Variants in ATG13 observed in about 807,000 individuals in gnomAD.
ATG13 encodes the protein autophagy related 13.
Under a neutral mutation model 65.5 loss-of-function variants are expected in ATG13, and 23 were observed. The observed-to-expected ratio is 0.35, with a 90% CI of 0.25 to 0.50. The LOEUF is 0.50. Ranked by LOEUF, ATG13 falls within the 20% of genes least tolerant of loss-of-function variation. The pLI is 0.98. For missense variants in ATG13, 566 were observed against 677.0 expected (o/e 0.84, Z 1.82); for synonymous variants, 252 against 245.2 (o/e 1.03, Z -0.26).
chr11:46,664,040 C>T lies in ATG13; in HGVS notation c.833C>T (p.Pro278Leu). 6.3e-7 allele frequency: 1 copy of T among 1,597,586 alleles called. No individual in the cohort carries two copies. Among genetic ancestry groups the T allele is most frequent in the Non-Finnish European group, 8.5e-7 (1 of 1,179,596 alleles). The change falls in exon 12 of 19, where the codon CCT (proline) becomes CTT (leucine). Residue 278 changes from proline (P) to leucine (L), a missense_variant. Pro to Leu is a moderately conservative substitution (Grantham distance 98). This residue lies in a region of ATG13 where 387 missense variants were observed against 409.8 expected (regional missense o/e 0.94). Transcript: ENST00000683050. Reference protein sequence around the residue: ...VTKAHFQTPTPVVTDTLRVPM... With the variant: ...VTKAHFQTPTLVVTDTLRVPM... ...AAGGCACATTTTCAGACCCCTACTC[C>T]TGTGGTGACGGACACCCTGAGGGTC... is the stretch of plus-strand genomic sequence containing the variant.
chr11:46,654,586 G>T (rs1280149766), intron 7 of ATG13, among the ~76,000 whole-genome samples: 1 of 150,724 alleles, frequency 6.6e-6, no homozygotes, highest in African/African-American at 2.4e-5. Context: ...GCTGGGTGTG[G>T]TGGCACGTGC....
intron 2 of ATG13, among the ~76,000 whole-genome samples, chr11:46,641,020 T>C (rs937830820): frequency 6.6e-6 from 1 of 152,198 alleles, no homozygotes; most frequent in African/African-American, 2.4e-5. Flanking sequence ...AAGACACATA[T>C]AAGAATATGA....
At chr11:46,666,761 T>G (rs1300900886) in intron 14 of ATG13, among the ~76,000 whole-genome samples, 1 of 152,218 alleles carries the variant, frequency 6.6e-6, no homozygotes, top group African/African-American at 2.4e-5. Context: ...TGGGCTGTTT[T>G]GACCTGCCCT....
At chr11:46,620,670 G>A (rs2047193951) in intron 1 of ATG13, among the ~76,000 whole-genome samples, 1 of 151,910 alleles carries the variant, frequency 6.6e-6, no homozygotes, top group South Asian at 2.1e-4. Flanking sequence ...AGCTACTCGG[G>A]AGGCTGAGAC....
chr11:46,665,267 TGGTGGCAGC>T, intron 13 of ATG13, 107 bp from the exon 14 acceptor site: 10 of 1,288,164 alleles, frequency 7.8e-6, no homozygotes, highest in Non-Finnish European at 1.1e-5. Context: ...GCTGCCTACT[TGGTGGCAGC>T]GTTGGTGATG....
intron 14 of ATG13, 143 bp downstream of exon 14, chr11:46,665,662 A>T: frequency 8.3e-7 from 1 of 1,203,406 alleles, no homozygotes; most frequent in Admixed American, 2.7e-5. Context: ...ATGGACTCCT[A>T]GCTGGGAGTG....
chr11:46,649,635 C>A (rs2058496177), intron 6 of ATG13, among the ~76,000 whole-genome samples: 1 of 152,160 alleles, frequency 6.6e-6, no homozygotes, highest in Non-Finnish European at 1.5e-5. Flanking sequence ...TCTTTCAAGG[C>A]AGATTAGCTT....
intron 5 of ATG13, among the ~76,000 whole-genome samples, chr11:46,648,252 C>T (rs562109930): frequency 5.3e-5 from 8 of 152,160 alleles, no homozygotes; most frequent in South Asian, 4.2e-4. Context: ...CCCGCTACCA[C>T]GCCCAGCTAA....
intron 14 of ATG13, 114 bp from the exon 15 acceptor site, chr11:46,667,659 G>T (rs2062660095): frequency 1.5e-6 from 1 of 685,184 alleles, no homozygotes; most frequent in African/African-American, 1.8e-5. Context: ...TGATGGGCCA[G>T]TGGGGACCAA....
rs1457461315 is a variant in ATG13, at chr11:46,674,212, A to G, written c.*1880A>G. 1 of 152,218 alleles carries G rather than the reference A, an allele frequency of 6.6e-6. No homozygotes were observed. Among genetic ancestry groups the G allele is most frequent in the Non-Finnish European group, 1.5e-5 (1 of 68,064 alleles). The allele number at this position is 152,218 out of a possible 1,614,324, so 9.4% of individuals were successfully genotyped here. ...TCTGAGGCAGCAATCTTTGGCATCT[A>G]CAGGTGGCAGCAGCCTTTCACCAGG... On this transcript the variant is annotated 3_prime_UTR_variant, in exon 19 of 19. Transcript: ENST00000683050.
chr11:46,643,876 C>T (rs935818266), intron 2 of ATG13, among the ~76,000 whole-genome samples: 1 of 152,146 alleles, frequency 6.6e-6, no homozygotes, highest in Non-Finnish European at 1.5e-5. Flanking sequence ...TTCTCAAAAG[C>T]CCATAACTCC....
intron 18 of ATG13, among the ~76,000 whole-genome samples, chr11:46,672,049 C>T (rs2063851823): frequency 6.6e-6 from 1 of 152,238 alleles, no homozygotes; most frequent in African/African-American, 2.4e-5. Flanking sequence ...AAGGCCGTTC[C>T]ATTAATCCTC....
At chr11:46,625,441 G>C (rs2049215502) in intron 1 of ATG13, 1 of 151,792 alleles carries the variant, frequency 6.6e-6, no homozygotes, top group South Asian at 2.1e-4. Context: ...CACCCAGCCA[G>C]TTTTTTGTAT....
At chr11:46,633,028 T>TA (rs1565448175) in intron 2 of ATG13, among the ~76,000 whole-genome samples, 1,205 of 60,502 alleles carry the variant, frequency 0.02, 7 homozygotes, top group Non-Finnish European at 0.025. Flanking sequence ...ATATATATAT[T>TA]TTTTTTTTTT....
At chr11:46,627,421 T>C (rs1341544841) in intron 1 of ATG13, among the ~76,000 whole-genome samples, 3 of 152,038 alleles carry the variant, frequency 2.0e-5, no homozygotes, top group Non-Finnish European at 4.4e-5. Flanking sequence ...AAATTATAAA[T>C]TAAATTTTAA....
chr11:46,649,377 A>G (rs1321034331), intron 6 of ATG13, among the ~76,000 whole-genome samples, 194 bp downstream of exon 6: 1 of 152,260 alleles, frequency 6.6e-6, no homozygotes, highest in Non-Finnish European at 1.5e-5. Flanking sequence ...CAGAGGGAAC[A>G]TCAGTCCAGA....
At position 46,657,037 on chromosome 11, in the gene ATG13, C is replaced by T. The variant is rs950851874; in HGVS notation, c.500-58C>T. On this transcript the variant is annotated intron_variant, in intron 8 of 18. Transcript: ENST00000683050. ...GCCAAATAATTCAGGGAAAGACGGT[C>T]TGGGGGCAGTGTCAGTATTCTCTGC... 2.1e-6 allele frequency: 3 copies of T among 1,395,946 alleles called. No homozygotes were observed. In the African/African-American group the frequency reaches 4.3e-5, roughly 20 times the overall value. 86.5% of individuals were successfully genotyped at this position (1,395,946 alleles called of 1,614,324 possible). A position where few individuals can be genotyped will look rare whatever the true frequency, so the allele number is the denominator to read the frequency against.
At chr11:46,653,307 G>A (rs2059305190) in intron 7 of ATG13, among the ~76,000 whole-genome samples, 1 of 151,502 alleles carries the variant, frequency 6.6e-6, no homozygotes, top group African/African-American at 2.4e-5. Context: ...CAAGTAGCTG[G>A]GATTAATAGG....
intron 2 of ATG13, among the ~76,000 whole-genome samples, chr11:46,638,785 C>T (rs2054869888): frequency 6.6e-6 from 1 of 151,914 alleles, no homozygotes; most frequent in African/African-American, 2.4e-5. Context: ...GGCTAATTTC[C>T]ATGATATATA....
Sources: allele counts gnomAD v4.1 joint callset (sites outside exome capture counted in the v4.1 genomes callset), GRCh38; gene constraint gnomAD v4.1.1; regional missense constraint gnomAD v4.1.1; transcripts MANE v1.5; gene names NCBI Gene and HGNC (gene_info 2026-07-23, HGNC 2026-07-21).